Variants in STT3B observed in about 807,000 individuals in gnomAD.
STT3B encodes the protein STT3 oligosaccharyltransferase complex catalytic subunit B.
A neutral mutation model predicts 96.8 loss-of-function variants in STT3B; 29 were observed. That is an observed-to-expected ratio of 0.30 (90% confidence interval 0.22 to 0.41). The LOEUF (loss-of-function observed/expected upper bound fraction) is 0.41. Ranked by LOEUF, STT3B falls within the 10% of genes least tolerant of loss-of-function variation. STT3B has a pLI of 1.00. For synonymous variants in STT3B, 367 were observed against 360.0 expected, an observed-to-expected ratio of 1.02 and a Z score of -0.22; for missense variants, 640 against 1,022.3, an observed-to-expected ratio of 0.63 and a Z score of 5.10.
chr3:31,578,347 T>C (rs1400270138), intron 2 of STT3B, among the ~76,000 whole-genome samples: 1 of 152,138 alleles, frequency 6.6e-6, no homozygotes, highest in Middle Eastern at 3.2e-3. Context: ...GCACCTACTT[T>C]GAATTTCCTC....
At chr3:31,623,524 C>T (rs1699472117) in intron 10 of STT3B, 150 bp from the exon 11 acceptor site, 1 of 610,960 alleles carries the variant, frequency 1.6e-6, no homozygotes, top group Admixed American at 3.0e-5. Flanking sequence ...AACACTCCAT[C>T]ACCCACATAA....
chr3:31,621,711 G>A lies in STT3B; in HGVS notation c.1328-386G>A, dbSNP rs72856082. Among the ~76,000 whole-genome samples, 399 of 152,178 alleles carry A rather than the reference G, an allele frequency of 2.6e-3. 2 individuals carry two copies. Among genetic ancestry groups the A allele is most frequent in the African/African-American group, 9.4e-3 (391 of 41,536 alleles). On this transcript the variant is annotated intron_variant, in intron 9 of 15. Coordinates refer to ENST00000295770, the MANE Select transcript of STT3B (RefSeq NM_178862.3). ...TAAAGCAGGTTTTATGCCAGATATT[G>A]GCACTGGCTTTTTATAGATTTTAAA...
At chr3:31,616,517 T>G (rs942464104) in intron 6 of STT3B, among the ~76,000 whole-genome samples, 7 of 151,934 alleles carry the variant, frequency 4.6e-5, no homozygotes, top group Non-Finnish European at 8.8e-5. Context: ...TATATCAAGA[T>G]TATCCTGATC....
In STT3B at chr3:31,560,106, A is replaced by G. The variant is rs147861975; in HGVS notation, c.315-16290A>G. On this transcript the variant is annotated intron_variant, in intron 1 of 15. Transcript: ENST00000295770. ...GTGAGATAAGTTTCTTGTAGGCAGC[A>G]TATAGTTGGGTCTTTTATTTTTTTA... is the stretch of plus-strand genomic sequence containing the variant. 1.2e-3 allele frequency among the ~76,000 whole-genome samples: 190 copies of G among 152,214 alleles called. 2 individuals are homozygous for G. The highest frequency in any genetic ancestry group is 6.8e-3 in the Middle Eastern group (2 of 294).
At chr3:31,625,873 T>G in intron 12 of STT3B, 81 bp from the exon 13 acceptor site, 3 of 1,277,386 alleles carry the variant, frequency 2.3e-6, no homozygotes, top group Non-Finnish European at 3.2e-6. Flanking sequence ...ATGAATTCCA[T>G]GTTGTAGTAA....
rs528471144 is a variant in STT3B at position 31,569,309 on chromosome 3, G to A, written c.315-7087G>A. On this transcript the variant is annotated intron_variant, in intron 1 of 15. Transcript: ENST00000295770. ...ATCAGCCATATGCTTTAATGTTTTT[G>A]AATACCGTATTGTACTAACTGTGCT... is the stretch of plus-strand genomic sequence containing the variant. Among the ~76,000 whole-genome samples, 4 of 152,188 alleles carry A rather than the reference G, an allele frequency of 2.6e-5. No homozygotes were observed. In the East Asian group the frequency reaches 5.8e-4, roughly 22 times the overall value.
intron 1 of STT3B, among the ~76,000 whole-genome samples, chr3:31,550,717 A>C (rs1484670239): frequency 1.3e-5 from 2 of 152,188 alleles, no homozygotes; most frequent in Non-Finnish European, 2.9e-5. Flanking sequence ...GCTATGTTTA[A>C]TGTGATTATC....
At chr3:31,571,414 A>C (rs1416219583) in intron 1 of STT3B, among the ~76,000 whole-genome samples, 1 of 152,114 alleles carries the variant, frequency 6.6e-6, no homozygotes, top group Non-Finnish European at 1.5e-5. Context: ...TTATTCTAGG[A>C]AAATGAATTA....
intron 1 of STT3B, among the ~76,000 whole-genome samples, 159 bp downstream of exon 1, chr3:31,533,471 C>G (rs1343844059): frequency 6.6e-6 from 1 of 152,120 alleles, no homozygotes; most frequent in African/African-American, 2.4e-5. Flanking sequence ...CCGGGCGCGC[C>G]CCCTGCCCGT....
chr3:31,615,305 G>T, intron 6 of STT3B, 102 bp downstream of exon 6: 1 of 789,320 alleles, frequency 1.3e-6, no homozygotes. Context: ...TTGTTGCAAT[G>T]ACAACCAAAG....
chr3:31,607,630 T>C (rs1487347229), intron 5 of STT3B, among the ~76,000 whole-genome samples: 1 of 152,184 alleles, frequency 6.6e-6, no homozygotes, highest in African/African-American at 2.4e-5. Flanking sequence ...TTATCAGCAG[T>C]ATGAGAACAG....
chr3:31,545,541 T>C (rs1697385662), intron 1 of STT3B, among the ~76,000 whole-genome samples: 1 of 152,212 alleles, frequency 6.6e-6, no homozygotes, highest in African/African-American at 2.4e-5. Context: ...TAAAACTTAA[T>C]GATAAATACT....
At chr3:31,563,910 A>T (rs1197092046) in intron 1 of STT3B, among the ~76,000 whole-genome samples, 1 of 152,074 alleles carries the variant, frequency 6.6e-6, no homozygotes, top group Non-Finnish European at 1.5e-5. Context: ...GGTTCAAGCA[A>T]TTCTTCTGCC....
intron 1 of STT3B, among the ~76,000 whole-genome samples, chr3:31,569,954 C>G (rs952005070): frequency 6.6e-6 from 1 of 151,824 alleles, no homozygotes; most frequent in African/African-American, 2.4e-5. Flanking sequence ...TAAGCTATAT[C>G]TACGTATATA....
intron 5 of STT3B, among the ~76,000 whole-genome samples, chr3:31,610,702 A>T (rs2125469274): frequency 1.3e-5 from 2 of 152,282 alleles, no homozygotes; most frequent in Middle Eastern, 6.8e-3. Flanking sequence ...GAATGTAGAC[A>T]TCTTTAGGTT....
rs9828837 is a variant in STT3B, at chr3:31,609,423, C to A, written c.878-5682C>A. On this transcript the variant is annotated intron_variant, in intron 5 of 15. Transcript: ENST00000295770. ...CTCCAAACACACCACACATACAGTACCTTTGTAATTTCACTATATTTTAAT... is the reference window on the plus strand; with the variant it reads ...CTCCAAACACACCACACATACAGTAACTTTGTAATTTCACTATATTTTAAT... Among the ~76,000 whole-genome samples the A allele has an allele frequency of 3.9e-5, 6 of 152,158 alleles. No individual in the cohort carries two copies. The East Asian group carries it at 1.2e-3, about 29-fold the overall frequency.
At chr3:31,588,746 T>TAA (rs1698602346) in intron 3 of STT3B, among the ~76,000 whole-genome samples, 1 of 152,082 alleles carries the variant, frequency 6.6e-6, no homozygotes, top group African/African-American at 2.4e-5. Context: ...GTCCAGCTGT[T>TAA]ACAGCATTAT....
In STT3B at chr3:31,623,753, C is replaced by A; in HGVS notation, c.1619C>A (p.Thr540Asn). ...GLGPNIKSIV[T>N]MLMLMLLMMF... ...GGCCCTAATATAAAAAGCATTGTCA[C>A]CATGTTGATGCTGATGCTATTGATG... Residue 540 changes from threonine (T) to asparagine (N), a missense_variant, in exon 11 of 16, where the codon ACC (threonine) becomes AAC (asparagine). Coordinates refer to ENST00000295770, the MANE Select transcript of STT3B (RefSeq NM_178862.3). The A allele has an allele frequency of 6.2e-7, 1 of 1,613,910 alleles. No homozygotes were observed. The highest frequency in any genetic ancestry group is 1.1e-5 in the South Asian group (1 of 91,070).
Position 31,581,586 on chromosome 3 carries a change from AT to A in STT3B, c.711+1493del, listed in dbSNP as rs896835967. ...TATAATCTTTTTCATATGCTGCTGA[AT>A]TTGGTTTGCTAGTATTTTCCTAAGG... On this transcript the variant is annotated intron_variant, in intron 3 of 15. Transcript: ENST00000295770. Among the ~76,000 whole-genome samples, 84 of 152,268 alleles carry A rather than the reference AT, an allele frequency of 5.5e-4. 1 individual carries two copies. Among genetic ancestry groups the A allele is most frequent in the African/African-American group, 1.9e-3 (81 of 41,550 alleles).
Sources: gnomAD v4.1 joint callset for allele counts (sites outside exome capture counted in the v4.1 genomes callset) on GRCh38, gnomAD v4.1.1 for gene constraint, MANE v1.5 for transcripts, NCBI Gene and HGNC (gene_info 2026-07-23, HGNC 2026-07-21) for gene names.